The following CDH4 variants were observed in gnomAD, a reference collection of about 807,000 sequenced individuals.
CDH4 encodes cadherin-4.
Under a neutral mutation model 86.0 loss-of-function variants are expected in CDH4, and 33 were observed. The observed-to-expected ratio is 0.38, with a 90% CI of 0.29 to 0.51. The LOEUF is 0.51. Ranked by LOEUF, CDH4 falls within the 20% of genes least tolerant of loss-of-function variation. The pLI is 0.86. For synonymous variants in CDH4, 555 were observed against 549.4 expected (o/e 1.01, Z -0.14); for missense variants, 1,114 against 1,307.4 (o/e 0.85, Z 2.28).
At chr20:61,771,300 A>G (rs142024635) in intron 3 of CDH4, among the ~76,000 whole-genome samples, 2,224 of 148,854 alleles carry the variant, frequency 0.015, 54 homozygotes, top group African/African-American at 0.051. Context: ...GTGAGCCACC[A>G]CACCCAGGCT....
In CDH4 at chr20:61,625,981, T is replaced by C. The variant is rs190943500; in HGVS notation, c.170-117582T>C. On this transcript the variant is annotated intron_variant, in intron 2 of 15. Coordinates refer to ENST00000614565, the MANE Select transcript of CDH4 (RefSeq NM_001794.5). Reference sequence around the variant, plus strand: ...CAGGACCTGACCAGCTAGGAAGTGCTGCACCCACGTTAGCGCCCCTGCTGA... The same window carrying C: ...CAGGACCTGACCAGCTAGGAAGTGCCGCACCCACGTTAGCGCCCCTGCTGA... 7.9e-5 allele frequency among the ~76,000 whole-genome samples: 12 copies of C among 152,386 alleles called. No individual in the cohort carries two copies. The East Asian group carries it at 2.3e-3, about 29-fold the overall frequency.
In CDH4 at chr20:61,811,492, A is replaced by C. The variant is rs1209204350; in HGVS notation, c.577-33176A>C. 6.6e-6 allele frequency among the ~76,000 whole-genome samples: 1 copy of C among 152,246 alleles called. No individual in the cohort carries two copies. The highest frequency in any genetic ancestry group is 1.5e-5 in the Non-Finnish European group (1 of 68,046). The stretch of plus-strand genomic sequence containing the variant: ...GCCATGAGGAAAGGAAGCTCATTTC[A>C]GAGCAGTGGAATCAACCAGTTAGAA... On this transcript the variant is annotated intron_variant, in intron 4 of 15. Coordinates refer to ENST00000614565, the MANE Select transcript of CDH4 (RefSeq NM_001794.5). This position sits in a 1 kb window ranked among gnomAD's most constrained non-coding sequence, Gnocchi z 4.4.
At chr20:61,336,060 G>C (rs2084615333) in intron 2 of CDH4, among the ~76,000 whole-genome samples, 1 of 152,134 alleles carries the variant, frequency 6.6e-6, no homozygotes, top group Non-Finnish European at 1.5e-5. Flanking sequence ...TTTCGATACT[G>C]TGGGGGAGAA....
Position 61,866,533 on chromosome 20 carries a change from A to ATC in CDH4, c.878-7194_878-7193insCT, listed in dbSNP as rs1156281796. 7.2e-5 allele frequency among the ~76,000 whole-genome samples: 11 copies of ATC among 152,300 alleles called. No individual in the cohort carries two copies. The East Asian group carries it at 1.5e-3, about 21-fold the overall frequency. ...CTTTTGCACATTTGACATGTGGAAA[A>ATC]TGTCTTCCTTTCATTTCTTTGATCA... On this transcript the variant is annotated intron_variant, in intron 6 of 15. Coordinates refer to ENST00000614565, the MANE Select transcript of CDH4 (RefSeq NM_001794.5).
intron 2 of CDH4, among the ~76,000 whole-genome samples, chr20:61,541,025 T>C (rs1022340043): frequency 6.6e-6 from 1 of 152,208 alleles, no homozygotes; most frequent in Non-Finnish European, 1.5e-5. Flanking sequence ...GAGGAAAAAT[T>C]TGACGATTCC....
intron 2 of CDH4, among the ~76,000 whole-genome samples, chr20:61,538,036 C>G (rs556123394): frequency 1.6e-4 from 25 of 152,208 alleles, no homozygotes; most frequent in Non-Finnish European, 3.5e-4. Context: ...CCCCTCCAAA[C>G]CCCTAGGCTG....
chr20:61,734,912 C>T (rs1220220035), intron 2 of CDH4, among the ~76,000 whole-genome samples: 2 of 152,202 alleles, frequency 1.3e-5, no homozygotes, highest in African/African-American at 4.8e-5. Flanking sequence ...TGAGGCCCAG[C>T]GCAGACGATA....
At chr20:61,633,273 C>G (rs1187694455) in intron 2 of CDH4, among the ~76,000 whole-genome samples, 1 of 151,808 alleles carries the variant, frequency 6.6e-6, no homozygotes, top group African/African-American at 2.4e-5. Flanking sequence ...GTCCATCTAC[C>G]CATCCACTCA....
At chr20:61,933,209 T>A in intron 14 of CDH4, 85 bp downstream of exon 14, 2 of 1,498,468 alleles carry the variant, frequency 1.3e-6, no homozygotes, top group Non-Finnish European at 1.8e-6. Flanking sequence ...CCCTGGGGTT[T>A]AACAGTAAGA....
At chr20:61,905,115 A>G (rs546066889) in intron 8 of CDH4, among the ~76,000 whole-genome samples, 1 of 152,334 alleles carries the variant, frequency 6.6e-6, no homozygotes, top group Admixed American at 6.5e-5. Flanking sequence ...TTCCATTCCG[A>G]TGCTCTTAAA....
chr20:61,305,641 G>A (rs1365294756), intron 2 of CDH4, among the ~76,000 whole-genome samples: 2 of 152,172 alleles, frequency 1.3e-5, no homozygotes, highest in African/African-American at 4.8e-5. Flanking sequence ...AGCTTCCCAG[G>A]GCTTTGGTGG....
intron 2 of CDH4, among the ~76,000 whole-genome samples, chr20:61,742,256 C>T (rs1488858987): frequency 6.6e-6 from 1 of 152,184 alleles, no homozygotes; most frequent in East Asian, 1.9e-4. Context: ...CTGGAAGTTT[C>T]ATTGCTCTGT....
chr20:61,838,338 G>A (rs574317479), intron 4 of CDH4, among the ~76,000 whole-genome samples: 2 of 152,048 alleles, frequency 1.3e-5, no homozygotes, highest in Non-Finnish European at 2.9e-5. Context: ...GGGAGCCCTC[G>A]GCTGTGCAAT....
chr20:61,692,151 A>G (rs948728309), intron 2 of CDH4, among the ~76,000 whole-genome samples: 2 of 144,516 alleles, frequency 1.4e-5, no homozygotes, highest in African/African-American at 5.5e-5. Flanking sequence ...GTATGTGTGT[A>G]TGTATGTGTG....
chr20:61,770,436 A>T (rs1367597043), intron 3 of CDH4, among the ~76,000 whole-genome samples: 1 of 152,252 alleles, frequency 6.6e-6, no homozygotes, highest in Non-Finnish European at 1.5e-5. Context: ...TTCAGATAAA[A>T]TGAGCATCAA....
At chr20:61,262,797 CT>C (rs1333055652) in intron 2 of CDH4, among the ~76,000 whole-genome samples, 1 of 150,306 alleles carries the variant, frequency 6.7e-6, no homozygotes, top group Non-Finnish European at 1.5e-5. Context: ...TCCCTCCCTC[CT>C]TCCCTCCTTT....
chr20:61,507,295 A>G (rs2085747865), intron 2 of CDH4, among the ~76,000 whole-genome samples: 1 of 152,242 alleles, frequency 6.6e-6, no homozygotes, highest in Non-Finnish European at 1.5e-5. Context: ...CTTGATTATA[A>G]TAACCGTCTT....
intron 2 of CDH4, among the ~76,000 whole-genome samples, chr20:61,580,642 G>C (rs1021551272): frequency 1.8e-4 from 28 of 152,202 alleles, no homozygotes; most frequent in Admixed American, 9.2e-4. Flanking sequence ...GACGCTCTAG[G>C]GGGGGAAATT....
At chr20:61,793,459 G>C (rs191954925) in intron 4 of CDH4, among the ~76,000 whole-genome samples, 10 of 152,338 alleles carry the variant, frequency 6.6e-5, no homozygotes, top group Non-Finnish European at 1.0e-4. Context: ...GGGATAATAA[G>C]AGACATTGAG....
Sources: gnomAD v4.1 joint callset for allele counts (sites outside exome capture counted in the v4.1 genomes callset) on GRCh38, gnomAD v4.1.1 for gene constraint, Gnocchi (gnomAD v3.1) non-coding constraint, MANE v1.5 for transcripts, NCBI Gene and HGNC (gene_info 2026-07-23, HGNC 2026-07-21) for gene names.